Variants in NPAT observed in about 807,000 individuals in gnomAD.
The protein encoded by NPAT is nuclear protein, coactivator of histone transcription, also known as protein NPAT.
NPAT carries 52 observed loss-of-function variants against 130.7 expected under a neutral mutation model. That is an observed-to-expected ratio of 0.40 (90% CI 0.32 to 0.50). The LOEUF is 0.50. NPAT is among the 20% of genes least tolerant of loss of function. The probability of loss-of-function intolerance (pLI) is 0.68; values close to 1 mark genes in which losing one functional copy is unlikely to be tolerated. For synonymous variants in NPAT, 580 were observed against 584.8 expected (o/e 0.99, Z 0.12); for missense variants, 1,687 against 1,662.6 (o/e 1.01, Z -0.26).
chr11:108,200,373 C>T (rs1426880631), intron 1 of NPAT, among the ~76,000 whole-genome samples: 3 of 152,112 alleles, frequency 2.0e-5, no homozygotes, highest in African/African-American at 7.2e-5. Context: ...TTTTGTTTAC[C>T]CATGCCTTTT....
chr11:108,183,160 T>A (rs11212542), intron 10 of NPAT, among the ~76,000 whole-genome samples: 74,485 of 150,268 alleles, frequency 0.5, 19,624 homozygotes, highest in Middle Eastern at 0.7. Flanking sequence ...AAAAAAAAAA[T>A]TTTTTTTGTA....
rs760050363 is a variant in NPAT at position 108,222,488 on chromosome 11, G to A, written c.37+12C>T. On this transcript the variant is annotated intron_variant, in intron 1 of 17. Coordinates refer to ENST00000278612, the MANE Select transcript of NPAT (RefSeq NM_002519.3). ...CGGGTCCAATAACCCTCCATCCCGC[G>A]TCCGCGCTTACCCAATACAAGCCGG... is the stretch of plus-strand genomic sequence containing the variant. The A allele has an allele frequency of 3.1e-6, 5 of 1,613,340 alleles. No homozygotes were observed. The African/African-American group carries it at 4.0e-5, about 13-fold the overall frequency.
chr11:108,190,527 C>A (rs760416829), intron 4 of NPAT, 27 bp from the exon 5 acceptor site: 8 of 1,609,398 alleles, frequency 5.0e-6, no homozygotes, highest in Non-Finnish European at 6.8e-6. Context: ...AGTAGTTATC[C>A]ATCAAAAAAT....
intron 1 of NPAT, among the ~76,000 whole-genome samples, chr11:108,204,451 G>A (rs781720227): frequency 2.0e-5 from 3 of 152,192 alleles, no homozygotes; most frequent in Non-Finnish European, 2.9e-5. Flanking sequence ...CATGTTGAGA[G>A]CTGTTCTGTT....
chr11:108,172,360 G>A lies in NPAT; in HGVS notation c.2624C>T (p.Pro875Leu). ...ACTTACAGATGTTCCTAACGCTGTT[G>A]GATCAGTCACACAGGTAGCTATCAG... The part of the protein sequence containing the change: ...NILIATCVTD[P>L]TALGTSVSQS... The change falls in exon 13 of 18, where the codon CCA becomes CTA. Residue 875 changes from proline (P) to leucine (L), a missense_variant. Pro to Leu is a moderately conservative substitution (Grantham distance 98, BLOSUM62 -3). Coordinates refer to ENST00000278612, the MANE Select transcript of NPAT (RefSeq NM_002519.3). 1.2e-6 allele frequency: 2 copies of A among 1,614,192 alleles called. No homozygotes were observed. Among genetic ancestry groups the A allele is most frequent in the Admixed American group, 3.3e-5 (2 of 60,018 alleles).
chr11:108,172,410 T>A lies in NPAT; in HGVS notation c.2574A>T (p.Thr858=). The A allele has an allele frequency of 6.2e-7, 1 of 1,614,160 alleles. No individual in the cohort carries two copies. The highest frequency in any genetic ancestry group is 8.5e-7 in the Non-Finnish European group (1 of 1,179,982). The part of the protein sequence containing the change: ...GYIQLMPATS[T]AFGNSNNILI... Reference sequence around the variant, plus strand: ...GAATGTTATTTGAATTGCCAAAAGCTGTGCTTGTGGCTGGCATCAACTGTA... The same window carrying A: ...GAATGTTATTTGAATTGCCAAAAGCAGTGCTTGTGGCTGGCATCAACTGTA... Residue 858 remains threonine (T), a synonymous_variant, in exon 13 of 18, where the codon ACA becomes ACT. Transcript: ENST00000278612.
At chr11:108,207,156 G>C (rs11212549) in intron 1 of NPAT, among the ~76,000 whole-genome samples, 7,923 of 152,300 alleles carry the variant, frequency 0.052, 681 homozygotes, top group African/African-American at 0.18. Flanking sequence ...ACAGTGAGTA[G>C]CTCCTTCTCA....
intron 1 of NPAT, among the ~76,000 whole-genome samples, chr11:108,200,516 G>C (rs1272342874): frequency 2.0e-5 from 3 of 152,052 alleles, no homozygotes; most frequent in Non-Finnish European, 2.9e-5. Flanking sequence ...TAACCCAGAA[G>C]TCTGGGCAAC....
intron 10 of NPAT, among the ~76,000 whole-genome samples, chr11:108,180,425 C>T (rs773629243): frequency 9.9e-5 from 15 of 152,162 alleles, no homozygotes; most frequent in Non-Finnish European, 1.8e-4. Flanking sequence ...AGACATTTAT[C>T]CAAAAAAGGC....
At chr11:108,163,915 G>A (rs1352602444) in intron 15 of NPAT, among the ~76,000 whole-genome samples, 1 of 152,196 alleles carries the variant, frequency 6.6e-6, no homozygotes, top group Non-Finnish European at 1.5e-5. Context: ...TAAAAAGTCA[G>A]CAGGTGGGAC....
At position 108,173,514 on chromosome 11, in the gene NPAT, C is replaced by CAA; in HGVS notation, c.1468_1469dup (p.Leu490PhefsTer21). ...GAGATTCACTCGGTACATTTGAAGA[C>CAA]AAAGAGTTCTTTTCAATCCCTATAG... On this transcript the variant is annotated frameshift_variant, in exon 13 of 18. Coordinates refer to ENST00000278612, the MANE Select transcript of NPAT (RefSeq NM_002519.3). LOFTEE classifies it high-confidence loss of function. 1 of 1,614,140 alleles carries CAA rather than the reference C, an allele frequency of 6.2e-7. No homozygotes were observed.
chr11:108,193,856 C>A, intron 3 of NPAT, 101 bp downstream of exon 3: 1 of 747,124 alleles, frequency 1.3e-6, no homozygotes, highest in Non-Finnish European at 2.3e-6. Context: ...TTTTTCAAGG[C>A]TTTTATGAGA....
intron 1 of NPAT, among the ~76,000 whole-genome samples, chr11:108,211,465 C>T (rs1056642818): frequency 6.6e-6 from 1 of 151,508 alleles, no homozygotes; most frequent in African/African-American, 2.4e-5. Context: ...ATCACTTGAG[C>T]CTGGGAAGTC....
chr11:108,162,437 G>A, intron 15 of NPAT, among the ~76,000 whole-genome samples: 1 of 152,132 alleles, frequency 6.6e-6, no homozygotes, highest in East Asian at 1.9e-4. Context: ...TATTATGTTT[G>A]TCTGTTTTTC....
chr11:108,204,071 C>G (rs754886357), intron 1 of NPAT, among the ~76,000 whole-genome samples: 1 of 152,122 alleles, frequency 6.6e-6, no homozygotes, highest in African/African-American at 2.4e-5. Context: ...AACAGCACCC[C>G]GTCAGCAGAA....
chr11:108,186,639 A>G, intron 7 of NPAT, 70 bp from the exon 8 acceptor site: 1 of 1,266,852 alleles, frequency 7.9e-7, no homozygotes, highest in Admixed American at 1.8e-5. Flanking sequence ...ATACATATAC[A>G]GACATAAATT....
chr11:108,185,189 T>C (rs1311011328), intron 10 of NPAT, 43 bp downstream of exon 10: 8 of 1,283,536 alleles, frequency 6.2e-6, no homozygotes, highest in Non-Finnish European at 9.0e-6. Flanking sequence ...ATCTTAAGTA[T>C]AAGTAACACA....
Position 108,172,683 on chromosome 11 carries a change from G to A in NPAT, c.2301C>T (p.Asn767=), listed in dbSNP as rs775351457. ...TSAVSSINGE[N]LPTIILSSPT... ...GAGAAGACAAGATTATAGTTGGCAG[G>A]TTTTCTCCATTAATACTAGAAACAG... is the stretch of plus-strand genomic sequence containing the variant. The change falls in exon 13 of 18, where the codon AAC becomes AAT. Residue 767 remains asparagine (N), a synonymous_variant. Coordinates refer to ENST00000278612, the MANE Select transcript of NPAT (RefSeq NM_002519.3). The A allele has an allele frequency of 1.2e-6, 2 of 1,613,868 alleles. No homozygotes were observed. The highest frequency in any genetic ancestry group is 2.2e-5 in the South Asian group (2 of 91,076).
At chr11:108,220,555 AC>A in intron 1 of NPAT, among the ~76,000 whole-genome samples, 1 of 152,210 alleles carries the variant, frequency 6.6e-6, no homozygotes, top group Non-Finnish European at 1.5e-5. Flanking sequence ...TAGAAAAAAA[AC>A]ATTATGAAGG....
Sources: gnomAD v4.1 joint callset for allele counts (sites outside exome capture counted in the v4.1 genomes callset) on GRCh38, gnomAD v4.1.1 for gene constraint, MANE v1.5 for transcripts, NCBI Gene and HGNC (gene_info 2026-07-23, HGNC 2026-07-21) for gene names.